Variants in SGCZ observed in about 807,000 individuals in gnomAD.
The protein encoded by SGCZ is sarcoglycan zeta.
In SGCZ, 40 loss-of-function variants were observed where a neutral mutation model predicts 41.3. The ratio of observed to expected loss-of-function variants is 0.97; its 90% CI spans 0.75 to 1.26. The LOEUF is 1.26. Ranked by LOEUF, SGCZ falls within the 50% of genes most tolerant of loss-of-function variation. SGCZ has a pLI of 0.00. For missense variants in SGCZ, 552 were observed against 369.8 expected, an observed-to-expected ratio of 1.49 and a Z score of -4.04; for synonymous variants, 206 against 137.5, an observed-to-expected ratio of 1.50 and a Z score of -3.49.
intron 2 of SGCZ, among the ~76,000 whole-genome samples, chr8:14,358,687 C>T (rs184369416): frequency 1.2e-4 from 19 of 152,272 alleles, no homozygotes; most frequent in Admixed American, 1.2e-3. Flanking sequence ...TCTTGGTTCA[C>T]TGCAACTTCC....
chr8:15,097,883 C>CGT (rs1554455251), intron 1 of SGCZ, among the ~76,000 whole-genome samples: 4 of 16,930 alleles, frequency 2.4e-4, no homozygotes, highest in South Asian at 5.3e-3. Context: ...TATATATATA[C>CGT]GTGTGTATAT....
At chr8:14,761,914 A>G (rs1054357004) in intron 1 of SGCZ, among the ~76,000 whole-genome samples, 2 of 152,066 alleles carry the variant, frequency 1.3e-5, no homozygotes, top group Non-Finnish European at 2.9e-5. Context: ...TCCTGAGGAA[A>G]CCACCTTTCC....
At chr8:14,602,319 T>C (rs1180892398) in intron 1 of SGCZ, among the ~76,000 whole-genome samples, 1 of 151,954 alleles carries the variant, frequency 6.6e-6, no homozygotes, top group Non-Finnish European at 1.5e-5. Flanking sequence ...GAGGTAAACT[T>C]GGTTTAATGA....
chr8:14,551,364 C>G (rs1193423204), intron 2 of SGCZ, among the ~76,000 whole-genome samples: 1 of 132,428 alleles, frequency 7.6e-6, no homozygotes, highest in East Asian at 2.2e-4. Context: ...TAGTAATCAA[C>G]CAAATAGCAA....
chr8:14,801,735 A>G (rs1188655177), intron 1 of SGCZ, among the ~76,000 whole-genome samples: 1 of 152,216 alleles, frequency 6.6e-6, no homozygotes, highest in African/African-American at 2.4e-5. Flanking sequence ...TGTGGTCAAC[A>G]AATTAAGAAA....
At chr8:14,498,226 G>C (rs1268604264) in intron 2 of SGCZ, among the ~76,000 whole-genome samples, 2 of 152,100 alleles carry the variant, frequency 1.3e-5, no homozygotes, top group African/African-American at 4.8e-5. Flanking sequence ...GCCAGCCTTT[G>C]ATGGAATGAA....
At chr8:14,608,286 A>G (rs976794365) in intron 1 of SGCZ, among the ~76,000 whole-genome samples, 3 of 151,810 alleles carry the variant, frequency 2.0e-5, no homozygotes, top group African/African-American at 4.8e-5. Flanking sequence ...TGTGGTAAAT[A>G]CAAGTGTATT....
chr8:14,326,036 C>G (rs1474756960), intron 2 of SGCZ, among the ~76,000 whole-genome samples: 1 of 134,382 alleles, frequency 7.4e-6, no homozygotes, highest in African/African-American at 2.8e-5. Context: ...GGCACGAACC[C>G]GGGAGGCGGA....
chr8:14,350,721 T>A (rs896165414), intron 2 of SGCZ, among the ~76,000 whole-genome samples: 1 of 152,102 alleles, frequency 6.6e-6, no homozygotes, highest in African/African-American at 2.4e-5. Flanking sequence ...CAATGCTCCT[T>A]CTTTCCCTCT....
intron 1 of SGCZ, among the ~76,000 whole-genome samples, chr8:14,664,331 G>C (rs1427258109): frequency 6.6e-6 from 1 of 152,146 alleles, no homozygotes; most frequent in East Asian, 1.9e-4. Flanking sequence ...GGTGGAATGG[G>C]AATCTCTAAC....
chr8:14,665,805 G>A (rs1510445), intron 1 of SGCZ, among the ~76,000 whole-genome samples: 2 of 151,816 alleles, frequency 1.3e-5, no homozygotes, highest in African/African-American at 4.8e-5. Context: ...GTAAATAAAG[G>A]GTGACAAAAG....
At chr8:15,201,099 C>T (rs928211951) in intron 1 of SGCZ, among the ~76,000 whole-genome samples, 2 of 152,198 alleles carry the variant, frequency 1.3e-5, no homozygotes, top group African/African-American at 2.4e-5. Context: ...TCACTGCAAC[C>T]TCCGCCTCCC....
At chr8:14,164,548 A>T in intron 5 of SGCZ, 32 bp downstream of exon 5, 1 of 1,611,772 alleles carries the variant, frequency 6.2e-7, no homozygotes, top group Non-Finnish European at 8.5e-7. Context: ...TTAAAGAAGT[A>T]AACAATTTTT....
At chr8:14,476,936 T>G (rs1180923130) in intron 2 of SGCZ, among the ~76,000 whole-genome samples, 5 of 152,192 alleles carry the variant, frequency 3.3e-5, no homozygotes, top group African/African-American at 1.2e-4. Context: ...CGTTGTGCTT[T>G]CCAAAAGGTA....
At position 14,357,599 on chromosome 8, in the gene SGCZ, T is replaced by C. The variant is rs538171430; in HGVS notation, c.235-33395A>G. 8.9e-4 allele frequency among the ~76,000 whole-genome samples: 135 copies of C among 152,272 alleles called. 1 individual carries two copies. The highest frequency in any genetic ancestry group is 3.0e-3 in the African/African-American group (125 of 41,564). ...GGGACTCGCTACCTCCACGTAATAA[T>C]AACAACTACTTAACATCAACTTTCC... On this transcript the variant is annotated intron_variant, in intron 2 of 7. Transcript: ENST00000382080.
intron 3 of SGCZ, among the ~76,000 whole-genome samples, chr8:14,294,325 A>G (rs1673362028): frequency 6.6e-6 from 1 of 151,948 alleles, no homozygotes; most frequent in East Asian, 1.9e-4. Flanking sequence ...TAAAACTCCT[A>G]TGTAATCTAA....
intron 1 of SGCZ, among the ~76,000 whole-genome samples, chr8:14,894,641 T>A (rs1585356879): frequency 6.6e-6 from 1 of 152,282 alleles, no homozygotes; most frequent in East Asian, 1.9e-4. Context: ...CACTGGGCAA[T>A]CTTTTAAATT....
chr8:14,336,538 T>A lies in SGCZ; in HGVS notation c.235-12334A>T, dbSNP rs536487276. ...TCACTGCTTTCCACAATGACTGAAA[T>A]AATTTACACTCCCATCAACAGTGTA... On this transcript the variant is annotated intron_variant, in intron 2 of 7. Transcript: ENST00000382080. 1.6e-4 allele frequency among the ~76,000 whole-genome samples: 25 copies of A among 152,304 alleles called. No individual in the cohort carries two copies. In the South Asian group the frequency reaches 5.0e-3, roughly 30 times the overall value.
intron 1 of SGCZ, among the ~76,000 whole-genome samples, chr8:14,995,758 T>G (rs1269817692): frequency 6.6e-6 from 1 of 152,204 alleles, no homozygotes; most frequent in African/African-American, 2.4e-5. Flanking sequence ...AAGTGTTAAG[T>G]ATCAATATTA....
Sources: allele counts gnomAD v4.1 joint callset (sites outside exome capture counted in the v4.1 genomes callset), GRCh38; gene constraint gnomAD v4.1.1; transcripts MANE v1.5; gene names NCBI Gene and HGNC (gene_info 2026-07-23, HGNC 2026-07-21).